The following ANKRD30B variants were observed in gnomAD, a reference collection of about 807,000 sequenced individuals.
The protein encoded by ANKRD30B is ankyrin repeat domain 30B.
ANKRD30B carries 144 observed loss-of-function variants against 202.2 expected under a neutral mutation model. The ratio of observed to expected loss-of-function variants is 0.71; its 90% CI spans 0.62 to 0.82. The LOEUF (loss-of-function observed/expected upper bound fraction) is 0.82. Ranked by LOEUF, ANKRD30B falls within the 40% of genes least tolerant of loss-of-function variation. ANKRD30B has a pLI of 0.00. For missense variants in ANKRD30B, 1,487 were observed against 1,669.1 expected (o/e 0.89, Z 1.90); for synonymous variants, 508 against 561.3 (o/e 0.91, Z 1.34).
Position 14,748,355 on chromosome 18 carries a change from G to A in ANKRD30B, c.-65G>A, listed in dbSNP as rs1460384113. The A allele has an allele frequency of 4.1e-5, 54 of 1,322,626 alleles. No homozygotes were observed. Among genetic ancestry groups the A allele is most frequent in the Non-Finnish European group, 4.5e-5 (45 of 1,004,622 alleles). The allele number at this position is 1,322,626 out of a possible 1,614,324, so 81.9% of individuals were successfully genotyped here. ...GGAAGGGTAAGCGGGAAGCGAGGGC[G>A]AGGGGTAGGGGCTGGGGAAGGGCGA... is the stretch of plus-strand genomic sequence containing the variant. On this transcript the variant is annotated 5_prime_UTR_variant, in exon 1 of 44. Transcript: ENST00000690538.
At chr18:14,856,427 C>T (rs564699534), downstream of ANKRD30B, among the ~76,000 whole-genome samples, 83 of 142,032 alleles carry the variant, frequency 5.8e-4, 5 homozygotes, top group Middle Eastern at 0.024. Context: ...AGGGGGTGGC[C>T]GGGCAGAGGC....
the ANKRD30B span, among the ~76,000 whole-genome samples, chr18:14,914,959 GA>G: frequency 1.3e-5 from 2 of 152,146 alleles, no homozygotes; most frequent in Admixed American, 6.5e-5. Context: ...CATACTCTAG[GA>G]AAAATGTTGA....
intron 1 of ANKRD30B, among the ~76,000 whole-genome samples, chr18:14,750,848 T>A (rs11877784): frequency 6.6e-6 from 1 of 151,880 alleles, no homozygotes; most frequent in African/African-American, 2.4e-5. Context: ...TCTTGTGTTA[T>A]CTGAAATTAT....
At chr18:14,880,457 G>A in the ANKRD30B span, among the ~76,000 whole-genome samples, 2 of 151,986 alleles carry the variant, frequency 1.3e-5, no homozygotes, top group African/African-American at 4.8e-5. Flanking sequence ...TGAATTTGTA[G>A]ATTGCCTTTA....
chr18:14,800,183 G>C lies in ANKRD30B; in HGVS notation c.2131+888G>C, dbSNP rs563056621. ...TGAGGCAGAAGTTGCAGTGAGCCAA[G>C]CTTGTGCCACTTTAGCCTGAGTGAC... On this transcript the variant is annotated intron_variant, in intron 22 of 43. Transcript: ENST00000690538. 3.3e-5 allele frequency among the ~76,000 whole-genome samples: 5 copies of C among 151,368 alleles called. No homozygotes were observed. The East Asian group carries it at 7.7e-4, about 23-fold the overall frequency.
chr18:14,787,316 G>A (rs943775525), intron 15 of ANKRD30B, among the ~76,000 whole-genome samples: 2 of 152,026 alleles, frequency 1.3e-5, no homozygotes, highest in South Asian at 2.1e-4. Context: ...TTAAGAAGCC[G>A]GTGTGGTATA....
At chr18:14,793,177 A>G (rs997475258) in intron 16 of ANKRD30B, among the ~76,000 whole-genome samples, 1 of 152,034 alleles carries the variant, frequency 6.6e-6, no homozygotes, top group African/African-American at 2.4e-5. Context: ...TATGAAAATC[A>G]ATGAATATTT....
chr18:14,826,387 T>C (rs965231963), intron 32 of ANKRD30B, among the ~76,000 whole-genome samples: 1 of 152,124 alleles, frequency 6.6e-6, no homozygotes, highest in Admixed American at 6.6e-5. Flanking sequence ...AGTTCTACAG[T>C]GGTAATCTGT....
intron 36 of ANKRD30B, 135 bp from the exon 37 acceptor site, chr18:14,840,453 T>A (rs532312900): frequency 1.9e-5 from 6 of 317,282 alleles, no homozygotes; most frequent in Non-Finnish European, 3.5e-5. Flanking sequence ...GCAGGATAAT[T>A]ACTTGGTCTT....
chr18:14,892,759 A>G, the ANKRD30B span, among the ~76,000 whole-genome samples: 10 of 148,042 alleles, frequency 6.8e-5, no homozygotes, highest in Non-Finnish European at 1.5e-4. Context: ...AAAAAAAAAA[A>G]AAAAAAAAAT....
At chr18:14,871,396 G>C in the ANKRD30B span, among the ~76,000 whole-genome samples, 1 of 151,276 alleles carries the variant, frequency 6.6e-6, no homozygotes, top group African/African-American at 2.4e-5. Flanking sequence ...AAAGGTCAAG[G>C]AGTGCAGCCT....
At chr18:14,791,249 G>A (rs1282371930) in intron 15 of ANKRD30B, among the ~76,000 whole-genome samples, 152 bp from the exon 16 acceptor site, 1 of 151,974 alleles carries the variant, frequency 6.6e-6, no homozygotes, top group Non-Finnish European at 1.5e-5. Flanking sequence ...CTATCAAAAT[G>A]TTTTGATTTT....
chr18:14,936,509 C>T, the ANKRD30B span, among the ~76,000 whole-genome samples: 1 of 152,088 alleles, frequency 6.6e-6, no homozygotes, highest in Admixed American at 6.5e-5. Context: ...CAGTGCCTGC[C>T]CCCAAGGACT....
At chr18:14,828,432 C>T (rs35871064) in intron 33 of ANKRD30B, 124 bp downstream of exon 33, 8 of 684,200 alleles carry the variant, frequency 1.2e-5, no homozygotes, top group Non-Finnish European at 1.9e-5. Context: ...TATTTATCAT[C>T]TCACATAGTC....
At chr18:14,861,089 G>A in the ANKRD30B span, among the ~76,000 whole-genome samples, 21 of 152,272 alleles carry the variant, frequency 1.4e-4, no homozygotes, top group East Asian at 2.9e-3. Flanking sequence ...AAGGGAAGTC[G>A]TTACCTCCAG....
intron 34 of ANKRD30B, among the ~76,000 whole-genome samples, chr18:14,836,667 G>A (rs990531597): frequency 1.1e-4 from 17 of 152,030 alleles, no homozygotes; most frequent in Non-Finnish European, 2.4e-4. Flanking sequence ...CACATTCTAG[G>A]GTGATATATA....
At chr18:14,822,146 C>A (rs1970454398) in intron 30 of ANKRD30B, among the ~76,000 whole-genome samples, 1 of 152,096 alleles carries the variant, frequency 6.6e-6, no homozygotes, top group African/African-American at 2.4e-5. Context: ...GGGGTCATGT[C>A]TTGGTCATCT....
At chr18:14,833,225 C>T (rs529815330) in intron 34 of ANKRD30B, among the ~76,000 whole-genome samples, 1 of 150,730 alleles carries the variant, frequency 6.6e-6, no homozygotes, top group East Asian at 2.0e-4. Flanking sequence ...CGAGAACCAC[C>T]GCGTCCAGCC....
chr18:14,819,188 C>G (rs1399305769), intron 30 of ANKRD30B, among the ~76,000 whole-genome samples: 1 of 146,402 alleles, frequency 6.8e-6, no homozygotes, highest in East Asian at 2.0e-4. Context: ...TCATGTCCTT[C>G]GCCCACTTTT....
Sources: gnomAD v4.1 joint callset for allele counts (sites outside exome capture counted in the v4.1 genomes callset) on GRCh38, gnomAD v4.1.1 for gene constraint, MANE v1.5 for transcripts, NCBI Gene and HGNC (gene_info 2026-07-23, HGNC 2026-07-21) for gene names.